Variants in VIPAS39 observed in about 807,000 individuals in gnomAD.
VIPAS39 encodes the protein spermatogenesis-defective protein 39 homolog.
A neutral mutation model predicts 84.7 loss-of-function variants in VIPAS39; 63 were observed. The observed-to-expected ratio is 0.74, with a 90% CI of 0.61 to 0.92. VIPAS39 has a LOEUF of 0.92. Among genes scored for constraint, VIPAS39 ranks in the 40% least tolerant of loss-of-function variants. The probability of loss-of-function intolerance (pLI) is 0.00; values close to 1 mark genes in which losing one functional copy is unlikely to be tolerated. For synonymous variants in VIPAS39, 192 were observed against 216.5 expected (o/e 0.89, Z 0.99); for missense variants, 499 against 604.5 (o/e 0.83, Z 1.83).
intron 7 of VIPAS39, among the ~76,000 whole-genome samples, chr14:77,446,519 A>C (rs11623826): frequency 0.44 from 67,387 of 151,944 alleles, 17,109 homozygotes; most frequent in East Asian, 0.93. Flanking sequence ...CAATTCTACC[A>C]AAATTGATCT....
At chr14:77,436,029 C>T in intron 12 of VIPAS39, 110 bp from the exon 13 acceptor site, 2 of 1,033,730 alleles carry the variant, frequency 1.9e-6, no homozygotes, top group Non-Finnish European at 3.0e-6. Flanking sequence ...CCTCACAAGT[C>T]TGATCTCAGT....
At chr14:77,436,159 A>G (rs1049242984) in intron 12 of VIPAS39, among the ~76,000 whole-genome samples, 1 of 152,204 alleles carries the variant, frequency 6.6e-6, no homozygotes, top group Non-Finnish European at 1.5e-5. Context: ...GTCACTCATA[A>G]TTTTGCTGAT....
rs2139720907 is a variant in VIPAS39 at position 77,427,601 on chromosome 14, G to A, written c.*15C>T. The A allele has an allele frequency of 1.2e-6, 2 of 1,614,158 alleles. No homozygotes were observed. The highest frequency in any genetic ancestry group is 2.2e-5 in the East Asian group (1 of 44,872). On this transcript the variant is annotated 3_prime_UTR_variant, in exon 20 of 20. Transcript: ENST00000557658. The stretch of plus-strand genomic sequence containing the variant: ...GAGGAGGAAATGAGGCAGGCTTCAA[G>A]GTAGTCAATGCCACTTAATTCTTCC...
At chr14:77,443,000 C>G (rs1470583917) in intron 9 of VIPAS39, 119 bp downstream of exon 9, 1 of 1,385,776 alleles carries the variant, frequency 7.2e-7, no homozygotes, top group African/African-American at 1.4e-5. Flanking sequence ...CTCAGGCCAC[C>G]CCACTTGTCT....
At chr14:77,434,644 G>A (rs1480555948) in intron 14 of VIPAS39, among the ~76,000 whole-genome samples, 1 of 151,966 alleles carries the variant, frequency 6.6e-6, no homozygotes, top group African/African-American at 2.4e-5. Context: ...TATAATCCCA[G>A]CACTTTGGGA....
intron 17 of VIPAS39, 143 bp from the exon 18 acceptor site, chr14:77,429,238 T>A (rs2078480978): frequency 2.7e-6 from 2 of 728,452 alleles, no homozygotes; most frequent in African/African-American, 3.5e-5. Context: ...CAGGACTAGT[T>A]CTGCAATGGG....
rs2078980264 is a variant in VIPAS39 at position 77,457,480 on chromosome 14, T to G, written c.-1+15A>C. The G allele has an allele frequency of 7.4e-7, 1 of 1,342,464 alleles. No homozygotes were observed. Among genetic ancestry groups the G allele is most frequent in the Non-Finnish European group, 1.0e-6 (1 of 974,514 alleles). 83.2% of individuals were successfully genotyped at this position (1,342,464 alleles called of 1,614,324 possible). ...CAGCCAGATACGCGACCCAAGGGGC[T>G]TGGGACACCCTCACCTCTTCCGCAC... On this transcript the variant is annotated intron_variant, in intron 1 of 19. Transcript: ENST00000557658.
rs936003077 is a variant in VIPAS39, at chr14:77,441,151, C to A, written c.735-58G>T. 6 of 1,605,592 alleles carry A rather than the reference C, an allele frequency of 3.7e-6. No homozygotes were observed. The African/African-American group carries it at 8.0e-5, about 21-fold the overall frequency. On this transcript the variant is annotated intron_variant, in intron 10 of 19. Transcript: ENST00000557658. ...TATCTATTGATGTGTGGCAGTATAACCTCACAAAATCGAGTGCCTCCTCTA... is the reference window on the plus strand; with the variant it reads ...TATCTATTGATGTGTGGCAGTATAAACTCACAAAATCGAGTGCCTCCTCTA...
At chr14:77,452,779 CAAAAAAAA>C (rs11418833) in intron 3 of VIPAS39, among the ~76,000 whole-genome samples, 1 of 106,816 alleles carries the variant, frequency 9.4e-6, no homozygotes. Context: ...GACTCCATCT[CAAAAAAAA>C]AAAAAAAAAA....
rs771578372 is a variant in VIPAS39, at chr14:77,453,250, T to A, written c.196+49A>T. ...AACAAACAAGTAGAGCCTTTATCAG[T>A]GATAAGAATCCTCAACATCTATCCC... On this transcript the variant is annotated intron_variant, in intron 3 of 19. Coordinates refer to ENST00000557658, the MANE Select transcript of VIPAS39 (RefSeq NM_001193315.2). The A allele has an allele frequency of 8.3e-6, 13 of 1,558,988 alleles. No homozygotes were observed. The East Asian group carries it at 2.5e-4, about 30-fold the overall frequency.
chr14:77,427,132 G>A lies in VIPAS39; in HGVS notation c.*484C>T. 1 of 190,204 alleles carries A rather than the reference G, an allele frequency of 5.3e-6. No individual in the cohort carries two copies. The highest frequency in any genetic ancestry group is 1.1e-5 in the Non-Finnish European group (1 of 90,742). The allele number at this position is 190,204 out of a possible 1,614,324, so 11.8% of individuals were successfully genotyped here. On this transcript the variant is annotated 3_prime_UTR_variant, in exon 20 of 20. Transcript: ENST00000557658. ...GGGGTCTGTGCAGTCTGGTGTGAGT[G>A]CATCTCCAGGAGGTCTTGGGAAACA...
intron 4 of VIPAS39, 139 bp from the exon 5 acceptor site, chr14:77,449,891 T>A: frequency 9.5e-7 from 1 of 1,047,954 alleles, no homozygotes. Flanking sequence ...TATTCATCTG[T>A]AGAAATCTGA....
intron 12 of VIPAS39, among the ~76,000 whole-genome samples, chr14:77,437,195 C>T (rs116736559): frequency 0.019 from 2,845 of 152,248 alleles, 83 homozygotes; most frequent in African/African-American, 0.065. Flanking sequence ...AGACTCTACA[C>T]CTGTCTTGAA....
intron 14 of VIPAS39, 54 bp from the exon 15 acceptor site, chr14:77,434,357 C>A (rs2078571712): frequency 6.5e-7 from 1 of 1,528,994 alleles, no homozygotes; most frequent in Non-Finnish European, 9.1e-7. Context: ...CCAAGTACCA[C>A]CCAAGCTCTC....
At chr14:77,451,126 G>T (rs964985061) in intron 4 of VIPAS39, 61 bp downstream of exon 4, 1 of 1,608,806 alleles carries the variant, frequency 6.2e-7, no homozygotes. Flanking sequence ...GAAAATTATG[G>T]CCTAAGATTT....
chr14:77,451,325 A>G lies in VIPAS39; in HGVS notation c.205T>C (p.Trp69Arg), dbSNP rs147038862. The G allele has an allele frequency of 1.4e-5, 22 of 1,614,084 alleles. No homozygotes were observed. The highest frequency in any genetic ancestry group is 1.6e-5 in the Non-Finnish European group (19 of 1,180,038). ...TTACCAGCAGTCTCTCTGATGGACC[A>G]TGAGATACCTGTGAGATAGTAAGAA... is the stretch of plus-strand genomic sequence containing the variant. Reference protein sequence around the residue: ...WSGEPVGSISWSIRETAGNSG... With the variant: ...WSGEPVGSISRSIRETAGNSG... Residue 69 changes from tryptophan to arginine, a missense_variant, in exon 4 of 20, where the codon TGG becomes CGG. By Grantham distance (101) the Trp-to-Arg change is moderately radical. Transcript: ENST00000557658.
rs77306074 is a variant in VIPAS39, at chr14:77,455,982, G to T, written c.-1+1513C>A. Among the ~76,000 whole-genome samples the T allele has an allele frequency of 1.4e-4, 21 of 152,302 alleles. No individual in the cohort carries two copies. In the East Asian group the frequency reaches 4.0e-3, roughly 29 times the overall value. On this transcript the variant is annotated intron_variant, in intron 1 of 19. Transcript: ENST00000557658. Reference sequence around the variant, plus strand: ...CAGGCAACCTTGAGTTCAAATCCTGGTTTCTCTTAATTCTGAGCAAAGTGG... The same window carrying T: ...CAGGCAACCTTGAGTTCAAATCCTGTTTTCTCTTAATTCTGAGCAAAGTGG...
Position 77,457,057 on chromosome 14 carries a change from C to T in VIPAS39, c.-1+438G>A, listed in dbSNP as rs148802441. The T allele has an allele frequency of 2.1e-4, 293 of 1,372,174 alleles. 1 individual carries two copies. The East Asian group carries it at 7.5e-3, about 35-fold the overall frequency. 85.0% of individuals were successfully genotyped at this position (1,372,174 alleles called of 1,614,324 possible). On this transcript the variant is annotated intron_variant, in intron 1 of 19. Transcript: ENST00000557658. Reference sequence around the variant, plus strand: ...AGAAGAATCAGCAAGAAAACCACAACATGCTCCCTGCCTCAGAAAACTCCA... The same window carrying T: ...AGAAGAATCAGCAAGAAAACCACAATATGCTCCCTGCCTCAGAAAACTCCA...
At chr14:77,427,909 C>G (rs2078455443) in intron 19 of VIPAS39, among the ~76,000 whole-genome samples, 1 of 152,130 alleles carries the variant, frequency 6.6e-6, no homozygotes, top group South Asian at 2.1e-4. Context: ...TAACAGGGAA[C>G]TAACTTTCAT....
Sources: gnomAD v4.1 joint callset for allele counts (sites outside exome capture counted in the v4.1 genomes callset) on GRCh38, gnomAD v4.1.1 for gene constraint, MANE v1.5 for transcripts, NCBI Gene and HGNC (gene_info 2026-07-23, HGNC 2026-07-21) for gene names.